Variants in MACROD2 observed in about 807,000 individuals in gnomAD.
The protein encoded by MACROD2 is ADP-ribose glycohydrolase MACROD2.
Under a neutral mutation model 70.4 loss-of-function variants are expected in MACROD2, and 36 were observed. The ratio of observed to expected loss-of-function variants is 0.51; its 90% CI spans 0.39 to 0.68. The LOEUF (loss-of-function observed/expected upper bound fraction) is 0.68. MACROD2 is among the 30% of genes least tolerant of loss of function. The pLI is 0.00. For synonymous variants in MACROD2, 172 were observed against 178.8 expected (o/e 0.96, Z 0.30); for missense variants, 496 against 538.4 (o/e 0.92, Z 0.78).
At chr20:14,625,872 G>A (rs1984119684) in intron 4 of MACROD2, among the ~76,000 whole-genome samples, 1 of 152,084 alleles carries the variant, frequency 6.6e-6, no homozygotes. Flanking sequence ...GCCCAGGCTG[G>A]AGTGCAATGG....
chr20:14,612,631 C>T (rs555350246), intron 4 of MACROD2, among the ~76,000 whole-genome samples: 2 of 152,062 alleles, frequency 1.3e-5, no homozygotes, highest in African/African-American at 4.8e-5. Context: ...CTTGCATAGT[C>T]CCCTATAACA....
chr20:14,155,231 T>A (rs1418341913), intron 3 of MACROD2, among the ~76,000 whole-genome samples: 1 of 152,188 alleles, frequency 6.6e-6, no homozygotes, highest in African/African-American at 2.4e-5. Flanking sequence ...ATAACATAAG[T>A]GAAATATATA....
intron 5 of MACROD2, among the ~76,000 whole-genome samples, chr20:14,725,416 T>C (rs1370072605): frequency 1.3e-5 from 2 of 152,118 alleles, no homozygotes; most frequent in African/African-American, 2.4e-5. Context: ...CACCAGTGTT[T>C]AGACATCAGG....
At chr20:15,227,182 T>A (rs175277) in intron 5 of MACROD2, among the ~76,000 whole-genome samples, 85,904 of 151,954 alleles carry the variant, frequency 0.57, 24,751 homozygotes, top group African/African-American at 0.6. Context: ...TTATCCTCAG[T>A]CCTTTAAATG....
At chr20:15,195,538 C>CTGATGCCAGTCAGAATGGT (rs2076600312) in intron 5 of MACROD2, among the ~76,000 whole-genome samples, 1 of 151,972 alleles carries the variant, frequency 6.6e-6, no homozygotes, top group Non-Finnish European at 1.5e-5. Context: ...GAGATACCAT[C>CTGATGCCAGTCAGAATGGT]TGATGCCAGT....
intron 7 of MACROD2, among the ~76,000 whole-genome samples, chr20:15,458,866 G>A (rs962412432): frequency 6.6e-6 from 1 of 152,060 alleles, no homozygotes; most frequent in African/African-American, 2.4e-5. Context: ...CCTGCACCTG[G>A]CCTTTATAAT....
chr20:14,025,059 T>C (rs994578193), intron 2 of MACROD2, among the ~76,000 whole-genome samples: 7 of 152,156 alleles, frequency 4.6e-5, no homozygotes, highest in Admixed American at 1.3e-4. Flanking sequence ...CTTGTTATGG[T>C]TTATTCAGGG....
At chr20:14,047,078 C>T (rs982121584) in intron 2 of MACROD2, among the ~76,000 whole-genome samples, 3 of 150,906 alleles carry the variant, frequency 2.0e-5, no homozygotes, top group Admixed American at 2.0e-4. Context: ...ATGTGATACT[C>T]ACATGAAGCT....
At chr20:15,472,497 TATC>T (rs1470600556) in intron 7 of MACROD2, among the ~76,000 whole-genome samples, 2 of 152,226 alleles carry the variant, frequency 1.3e-5, no homozygotes, top group Non-Finnish European at 2.9e-5. Flanking sequence ...ATACTAAATC[TATC>T]ATCTTATTTT....
intron 8 of MACROD2, among the ~76,000 whole-genome samples, chr20:15,690,859 A>C (rs2050291101): frequency 6.6e-6 from 1 of 152,212 alleles, no homozygotes; most frequent in Admixed American, 6.5e-5. Flanking sequence ...TACAGTCTGC[A>C]GGGACCTTTA....
Position 14,919,836 on chromosome 20 carries a change from T to C in MACROD2, c.418+234877T>C, listed in dbSNP as rs1190687062. On this transcript the variant is annotated intron_variant, in intron 5 of 17. Transcript: ENST00000684519. ...AATAACAAGAGTCAGGAGAAATAAA[T>C]AGAAACCATTTCAAGGCTCCACCTG... Among the ~76,000 whole-genome samples, 3 of 152,072 alleles carry C rather than the reference T, an allele frequency of 2.0e-5. No homozygotes were observed. In the East Asian group the frequency reaches 5.8e-4, roughly 29 times the overall value.
At chr20:15,905,583 A>G (rs139787084) in intron 10 of MACROD2, among the ~76,000 whole-genome samples, 3 of 152,358 alleles carry the variant, frequency 2.0e-5, no homozygotes, top group Admixed American at 6.5e-5. Context: ...CACCATGCCA[A>G]TAGGACATTT....
rs139349473 is a variant in MACROD2, at chr20:15,193,259, A to G, written c.419-36681A>G. 1.6e-3 allele frequency among the ~76,000 whole-genome samples: 243 copies of G among 152,306 alleles called. 1 individual carries two copies. Among genetic ancestry groups the G allele is most frequent in the African/African-American group, 5.6e-3 (233 of 41,566 alleles). ...TTTAAAAGAAGTTCTTCCAAAATCT[A>G]TATCAAATTAACTTGGCAGAAAGAG... On this transcript the variant is annotated intron_variant, in intron 5 of 17. Coordinates refer to ENST00000684519, the MANE Select transcript of MACROD2 (RefSeq NM_001351661.2).
At chr20:15,181,386 A>G (rs1390797201) in intron 5 of MACROD2, among the ~76,000 whole-genome samples, 1 of 152,220 alleles carries the variant, frequency 6.6e-6, no homozygotes, top group East Asian at 1.9e-4. Context: ...AGAATAAAAT[A>G]TCAGGATTCA....
chr20:14,229,130 C>G (rs1271930534), intron 3 of MACROD2, among the ~76,000 whole-genome samples: 1 of 152,044 alleles, frequency 6.6e-6, no homozygotes. Flanking sequence ...TAGGAGATAA[C>G]ATAGGACAAA....
At chr20:14,912,287 G>T (rs1035239488) in intron 5 of MACROD2, among the ~76,000 whole-genome samples, 1 of 152,072 alleles carries the variant, frequency 6.6e-6, no homozygotes, top group Non-Finnish European at 1.5e-5. Flanking sequence ...TTCAAATACA[G>T]CAAACTTAAT....
At chr20:14,895,859 T>C (rs576696614) in intron 5 of MACROD2, among the ~76,000 whole-genome samples, 39 of 152,262 alleles carry the variant, frequency 2.6e-4, no homozygotes, top group African/African-American at 9.4e-4. Context: ...ATAATAACCT[T>C]GGATGACAAA....
At chr20:14,020,314 A>ACAAT (rs2053057433) in intron 2 of MACROD2, among the ~76,000 whole-genome samples, 1 of 152,112 alleles carries the variant, frequency 6.6e-6, no homozygotes, top group African/African-American at 2.4e-5. Flanking sequence ...CCCTACTAAA[A>ACAAT]ATACAGAAAT....
chr20:14,352,640 G>T (rs1400203409), intron 3 of MACROD2, among the ~76,000 whole-genome samples: 1 of 152,050 alleles, frequency 6.6e-6, no homozygotes, highest in Non-Finnish European at 1.5e-5. Context: ...CTTAATAGGA[G>T]ATACATTGTA....
Sources: allele counts gnomAD v4.1 joint callset (sites outside exome capture counted in the v4.1 genomes callset), GRCh38; gene constraint gnomAD v4.1.1; transcripts MANE v1.5; gene names NCBI Gene and HGNC (gene_info 2026-07-23, HGNC 2026-07-21).